The following UBR2 variants were observed in gnomAD, a reference collection of about 807,000 sequenced individuals.
UBR2 encodes ubiquitin protein ligase E3 component n-recognin 2.
UBR2 carries 92 observed loss-of-function variants against 247.9 expected under a neutral mutation model. That is an observed-to-expected ratio of 0.37 (90% CI 0.31 to 0.44). The LOEUF is 0.44. Among genes scored for constraint, UBR2 ranks in the 20% least tolerant of loss-of-function variants. The pLI, the probability that UBR2 is intolerant of heterozygous loss-of-function variation, is 1.00. For synonymous variants in UBR2, 672 were observed against 693.5 expected, an observed-to-expected ratio of 0.97 and a Z score of 0.49; for missense variants, 1,613 against 2,112.6, an observed-to-expected ratio of 0.76 and a Z score of 4.64.
Position 42,649,063 on chromosome 6 carries a change from A to C in UBR2, c.2462+893A>C, listed in dbSNP as rs149608567. On this transcript the variant is annotated intron_variant, in intron 22 of 46. Coordinates refer to ENST00000372901, the MANE Select transcript of UBR2 (RefSeq NM_001363705.2). ...GGGTAACAAAGCGAGACTCAAGTGC[A>C]GTGGCACGGTCTTGGCTCACTGCAA... is the stretch of plus-strand genomic sequence containing the variant. 5.8e-3 allele frequency among the ~76,000 whole-genome samples: 882 copies of C among 152,306 alleles called. 5 individuals are homozygous for C. The highest frequency in any genetic ancestry group is 0.01 in the Non-Finnish European group (699 of 68,030).
At chr6:42,681,674 C>A (rs1025882065) in intron 42 of UBR2, among the ~76,000 whole-genome samples, 2 of 152,126 alleles carry the variant, frequency 1.3e-5, no homozygotes, top group Non-Finnish European at 2.9e-5. Context: ...AGAGCCACTA[C>A]GGAAGACAGC....
chr6:42,650,268 G>A lies in UBR2; in HGVS notation c.2463-16G>A, dbSNP rs748083295. 1.2e-5 allele frequency: 19 copies of A among 1,598,070 alleles called. No homozygotes were observed. In the South Asian group the frequency reaches 2.0e-4, roughly 17 times the overall value. ...ATGGCTTTGGTAATAATATTCTAAG[G>A]TCCTTTCTTTCACAGGAAACCTGGA... On this transcript the variant is annotated splice_polypyrimidine_tract_variant and intron_variant, in intron 22 of 46. Transcript: ENST00000372901.
chr6:42,579,052 C>T (rs1337089447), intron 2 of UBR2, among the ~76,000 whole-genome samples: 1 of 152,012 alleles, frequency 6.6e-6, no homozygotes, highest in Non-Finnish European at 1.5e-5. Context: ...GAGTGTTAGG[C>T]TGTTCTTGCA....
At chr6:42,672,501 G>C (rs1358416754) in intron 36 of UBR2, among the ~76,000 whole-genome samples, 1 of 151,948 alleles carries the variant, frequency 6.6e-6, no homozygotes, top group Non-Finnish European at 1.5e-5. Flanking sequence ...CGTTATTAGA[G>C]GGGCTCCTCA....
intron 33 of UBR2, 57 bp downstream of exon 33, chr6:42,665,569 G>T: frequency 7.6e-7 from 1 of 1,314,970 alleles, no homozygotes; most frequent in Non-Finnish European, 1.1e-6. Flanking sequence ...ATCAGAAAAT[G>T]TATTTCCAGA....
chr6:42,631,616 C>T (rs1399958588), intron 11 of UBR2, among the ~76,000 whole-genome samples: 1 of 151,484 alleles, frequency 6.6e-6, no homozygotes, highest in Non-Finnish European at 1.5e-5. Context: ...AATGTCTGAC[C>T]AGTAAAAGCT....
At chr6:42,673,993 G>C in intron 37 of UBR2, 106 bp downstream of exon 37, 3 of 1,287,970 alleles carry the variant, frequency 2.3e-6, no homozygotes, top group Middle Eastern at 5.2e-4. Flanking sequence ...TAGTAGTACT[G>C]GTTTTCTTAT....
chr6:42,642,599 C>A, intron 18 of UBR2, 118 bp downstream of exon 18: 1 of 752,312 alleles, frequency 1.3e-6, no homozygotes, highest in Non-Finnish European at 2.2e-6. Context: ...CTAGCCCTGT[C>A]TCCTCAGCTC....
intron 38 of UBR2, 32 bp downstream of exon 38, chr6:42,674,225 C>G (rs1472808358): frequency 6.3e-7 from 1 of 1,599,698 alleles, no homozygotes; most frequent in Non-Finnish European, 8.6e-7. Flanking sequence ...TGGACTTCTA[C>G]GTCATACTAT....
At chr6:42,567,166 A>AT (rs1790827263) in intron 1 of UBR2, among the ~76,000 whole-genome samples, 1 of 152,034 alleles carries the variant, frequency 6.6e-6, no homozygotes, top group African/African-American at 2.4e-5. Context: ...TCCACATTTC[A>AT]TTTACACACC....
In UBR2 at chr6:42,635,565, C is replaced by A. The variant is rs945838533; in HGVS notation, c.1674+19C>A. On this transcript the variant is annotated intron_variant, in intron 14 of 46. Coordinates refer to ENST00000372901, the MANE Select transcript of UBR2 (RefSeq NM_001363705.2). ...TTCAGATGTGAGTTTCTTCTGGGTG[C>A]GGGGAATAGGAGGAAAGTGGAAGAG... 2 of 1,593,102 alleles carry A rather than the reference C, an allele frequency of 1.3e-6. No individual in the cohort carries two copies. The highest frequency in any genetic ancestry group is 1.7e-6 in the Non-Finnish European group (2 of 1,164,322).
chr6:42,673,964 C>A, intron 37 of UBR2, 77 bp downstream of exon 37: 1 of 1,360,440 alleles, frequency 7.4e-7, no homozygotes, highest in Non-Finnish European at 1.0e-6. Flanking sequence ...CAGCTTCTCT[C>A]AGTAATGAAT....
intron 21 of UBR2, among the ~76,000 whole-genome samples, chr6:42,647,855 C>T (rs988341009): frequency 2.0e-5 from 3 of 152,098 alleles, no homozygotes; most frequent in Non-Finnish European, 4.4e-5. Flanking sequence ...TTCTATATGG[C>T]AGTGACTTTT....
chr6:42,661,857 A>G (rs1797832067), intron 30 of UBR2, among the ~76,000 whole-genome samples: 1 of 152,248 alleles, frequency 6.6e-6, no homozygotes, highest in Non-Finnish European at 1.5e-5. Flanking sequence ...CCTGGAGCTC[A>G]GGGTACAATG....
chr6:42,673,861 A>G lies in UBR2; in HGVS notation c.4157A>G (p.Gln1386Arg), dbSNP rs377016061. The G allele has an allele frequency of 1.7e-5, 28 of 1,613,678 alleles. No homozygotes were observed. In the Middle Eastern group the frequency reaches 4.9e-4, roughly 28 times the overall value. The change falls in exon 37 of 47, where the codon CAA (glutamine) becomes CGA (arginine). Residue 1386 changes from glutamine to arginine, a missense_variant. Physicochemically the swap from Gln to Arg is conservative, Grantham distance 43. This residue lies in a region of UBR2 where 1,524 missense variants were observed against 1,967.3 expected (regional missense o/e 0.77). Coordinates refer to ENST00000372901, the MANE Select transcript of UBR2 (RefSeq NM_001363705.2). ...HWTVASVSVV[Q>R]GHFCKLFASL... ...ACAGTGGCATCAGTTTCAGTGGTGCAAGGACATTTTTGTAAACTTTTTGCA... is the reference window on the plus strand; with the variant it reads ...ACAGTGGCATCAGTTTCAGTGGTGCGAGGACATTTTTGTAAACTTTTTGCA...
chr6:42,667,705 T>TA (rs1798198914), intron 34 of UBR2, among the ~76,000 whole-genome samples: 1 of 39,364 alleles, frequency 2.5e-5, no homozygotes, highest in African/African-American at 8.2e-5. Flanking sequence ...TTTCTATGTA[T>TA]TTTTTTTTTT....
intron 22 of UBR2, 119 bp from the exon 23 acceptor site, chr6:42,650,165 G>A (rs1035763230): frequency 1.2e-5 from 9 of 752,304 alleles, no homozygotes; most frequent in Non-Finnish European, 1.9e-5. Context: ...AATAGTTGTA[G>A]CTTAACACCC....
chr6:42,622,100 C>G (rs9369374), intron 11 of UBR2, among the ~76,000 whole-genome samples: 66,446 of 151,936 alleles, frequency 0.44, 14,569 homozygotes, highest in African/African-American at 0.48. Context: ...ACTGCAACCT[C>G]TGCCTCCCAG....
intron 11 of UBR2, among the ~76,000 whole-genome samples, chr6:42,629,653 T>C (rs1795576428): frequency 6.6e-6 from 1 of 152,050 alleles, no homozygotes; most frequent in Non-Finnish European, 1.5e-5. Flanking sequence ...CAAAACTCTG[T>C]CTCAAAAAAA....
Sources: gnomAD v4.1 joint callset for allele counts (sites outside exome capture counted in the v4.1 genomes callset) on GRCh38, gnomAD v4.1.1 for gene constraint, gnomAD v4.1.1 regional missense constraint, MANE v1.5 for transcripts, NCBI Gene and HGNC (gene_info 2026-07-23, HGNC 2026-07-21) for gene names.